RRAS2: variants seen among roughly 807,000 people sequenced by gnomAD.
RRAS2 encodes the protein ras-related protein R-Ras2.
In RRAS2, 7 loss-of-function variants were observed where a neutral mutation model predicts 27.6. The observed-to-expected ratio is 0.25, with a 90% CI of 0.14 to 0.48. The LOEUF (loss-of-function observed/expected upper bound fraction) is 0.48, where lower values mean the gene tolerates loss of function less well. Ranked by LOEUF, RRAS2 falls within the 20% of genes least tolerant of loss-of-function variation. The pLI is 0.99. For synonymous variants in RRAS2, 86 were observed against 90.9 expected (o/e 0.95, Z 0.31); for missense variants, 178 against 256.2 (o/e 0.69, Z 2.08).
chr11:14,302,871 A>G (rs1847749567), intron 1 of RRAS2, among the ~76,000 whole-genome samples: 1 of 152,220 alleles, frequency 6.6e-6, no homozygotes, highest in African/African-American at 2.4e-5. Flanking sequence ...CAGTTCTATC[A>G]GTTTGCCAGC....
At chr11:14,295,550 G>A (rs183391653) in intron 2 of RRAS2, among the ~76,000 whole-genome samples, 195 of 152,222 alleles carry the variant, frequency 1.3e-3, no homozygotes, top group Non-Finnish European at 2.3e-3. Context: ...AGTTTCACTA[G>A]AACAAGATCA....
intron 1 of RRAS2, among the ~76,000 whole-genome samples, chr11:14,343,978 C>CA (rs1267227415): frequency 2.7e-5 from 4 of 149,044 alleles, no homozygotes; most frequent in Non-Finnish European, 4.5e-5. Flanking sequence ...CCCATCTTTA[C>CA]AAAAAAATAC....
chr11:14,304,183 G>A (rs1207041820), intron 1 of RRAS2, among the ~76,000 whole-genome samples: 6 of 152,134 alleles, frequency 3.9e-5, no homozygotes, highest in African/African-American at 7.2e-5. Context: ...CCCCAAACTC[G>A]AGGGGATACA....
intron 2 of RRAS2, among the ~76,000 whole-genome samples, chr11:14,295,333 G>A (rs1847515215): frequency 6.6e-6 from 1 of 152,180 alleles, no homozygotes; most frequent in African/African-American, 2.4e-5. Context: ...GAAGAATAGA[G>A]CTTTCTTTGT....
At chr11:14,326,502 T>C (rs181400637) in intron 1 of RRAS2, among the ~76,000 whole-genome samples, 25 of 152,332 alleles carry the variant, frequency 1.6e-4, no homozygotes, top group East Asian at 5.8e-4. Context: ...TTAGAAAAGA[T>C]TGTAAATATA....
chr11:14,346,684 A>G (rs1231189327), intron 1 of RRAS2, among the ~76,000 whole-genome samples: 1 of 152,244 alleles, frequency 6.6e-6, no homozygotes, highest in Non-Finnish European at 1.5e-5. Context: ...ACTATAGTTA[A>G]TAACAATATA....
At chr11:14,356,789 C>G (rs572419451) in intron 1 of RRAS2, 1 of 439,846 alleles carries the variant, frequency 2.3e-6, no homozygotes, top group South Asian at 1.6e-5. Flanking sequence ...ATTAGGAAAA[C>G]GGCAATTAAT....
intron 1 of RRAS2, among the ~76,000 whole-genome samples, chr11:14,341,578 T>C (rs1554953260): frequency 6.6e-6 from 1 of 151,754 alleles, no homozygotes; most frequent in Non-Finnish European, 1.5e-5. Context: ...TATTTGTTGT[T>C]TGAGAAGGAC....
intron 1 of RRAS2, among the ~76,000 whole-genome samples, chr11:14,347,913 AAAAAAC>A (rs1554954250): frequency 6.6e-6 from 1 of 152,172 alleles, no homozygotes; most frequent in Non-Finnish European, 1.5e-5. Context: ...AGAACACAGA[AAAAAAC>A]AAAAACAGTT....
intron 1 of RRAS2, chr11:14,308,196 A>G (rs1564964232): frequency 2.0e-5 from 8 of 397,690 alleles, no homozygotes; most frequent in Non-Finnish European, 3.4e-5. Flanking sequence ...CAAGAAACTG[A>G]TTAACTTTAC....
intron 1 of RRAS2, chr11:14,354,602 T>TA (rs1178217016): frequency 6.6e-6 from 1 of 151,150 alleles, no homozygotes; most frequent in Non-Finnish European, 1.5e-5. Context: ...ATGAAAAAAT[T>TA]ACAAATTTTG....
At chr11:14,328,091 G>C (rs1305443891) in intron 1 of RRAS2, among the ~76,000 whole-genome samples, 1 of 152,124 alleles carries the variant, frequency 6.6e-6, no homozygotes, top group Non-Finnish European at 1.5e-5. Context: ...AAAATGGCCA[G>C]GCGCGGTGGC....
intron 1 of RRAS2, among the ~76,000 whole-genome samples, chr11:14,303,513 G>A (rs1198867181): frequency 6.6e-6 from 1 of 152,186 alleles, no homozygotes; most frequent in Non-Finnish European, 1.5e-5. Flanking sequence ...GAGGCAGGAG[G>A]ACTGCTTGAG....
chr11:14,318,697 G>A (rs1206390240), intron 1 of RRAS2, among the ~76,000 whole-genome samples: 1 of 152,204 alleles, frequency 6.6e-6, no homozygotes, highest in African/African-American at 2.4e-5. Context: ...GAACAGCTGA[G>A]ACAGAAGAAA....
chr11:14,310,430 G>A (rs538193912), intron 1 of RRAS2, among the ~76,000 whole-genome samples: 1 of 152,298 alleles, frequency 6.6e-6, no homozygotes, highest in African/African-American at 2.4e-5. Flanking sequence ...TCAGGAAAAT[G>A]AGAAAGATCT....
chr11:14,358,096 A>T lies in RRAS2; in HGVS notation c.108+667T>A. 2 of 481,404 alleles carry T rather than the reference A, an allele frequency of 4.2e-6. No homozygotes were observed. Among genetic ancestry groups the T allele is most frequent in the Non-Finnish European group, 5.4e-6 (2 of 369,146 alleles). 29.8% of individuals were successfully genotyped at this position (481,404 alleles called of 1,614,324 possible). ...GCACGGCGAGAAGCAGGACGGCATC[A>T]GGAATTCCTAGGAAATGGTCTCACC... On this transcript the variant is annotated intron_variant, in intron 1 of 5. Coordinates refer to ENST00000256196, the MANE Select transcript of RRAS2 (RefSeq NM_012250.6). This position sits in a 1 kb window ranked among gnomAD's most constrained non-coding sequence, Gnocchi z 5.1.
chr11:14,306,890 A>AT (rs1290787033), intron 1 of RRAS2, among the ~76,000 whole-genome samples: 2 of 59,524 alleles, frequency 3.4e-5, no homozygotes, highest in African/African-American at 4.8e-5. Flanking sequence ...ATGTGCCAAG[A>AT]TAAAAAAAAA....
intron 1 of RRAS2, among the ~76,000 whole-genome samples, chr11:14,318,757 C>T (rs2133993282): frequency 1.3e-5 from 2 of 152,274 alleles, no homozygotes; most frequent in East Asian, 1.9e-4. Flanking sequence ...CAAACACGGA[C>T]ATTTTGTACA....
chr11:14,342,967 A>AT (rs1848748220), intron 1 of RRAS2, among the ~76,000 whole-genome samples: 1 of 152,246 alleles, frequency 6.6e-6, no homozygotes, highest in South Asian at 2.1e-4. Context: ...TACTAGATCC[A>AT]TTTTAAGTAA....
Sources: gnomAD v4.1 joint callset for allele counts (sites outside exome capture counted in the v4.1 genomes callset) on GRCh38, gnomAD v4.1.1 for gene constraint, Gnocchi (gnomAD v3.1) non-coding constraint, MANE v1.5 for transcripts, NCBI Gene and HGNC (gene_info 2026-07-23, HGNC 2026-07-21) for gene names.